The following DST variants were observed in gnomAD, a reference collection of about 807,000 sequenced individuals.
DST encodes dystonin, also known as bullous pemphigoid antigen.
Under a neutral mutation model 875.2 loss-of-function variants are expected in DST, and 253 were observed. That is an observed-to-expected ratio of 0.29 (90% CI 0.26 to 0.32). The LOEUF is 0.32. Among genes scored for constraint, DST ranks in the 10% least tolerant of loss-of-function variants. The probability of loss-of-function intolerance (pLI) is 1.00; values close to 1 mark genes in which losing one functional copy is unlikely to be tolerated. For synonymous variants in DST, 3,124 were observed against 3,197.1 expected (o/e 0.98, Z 0.77); for missense variants, 8,287 against 9,111.6 (o/e 0.91, Z 3.68).
rs534184655 is a variant in DST, at chr6:56,583,946, A to G, written c.12904-5009T>C. Among the ~76,000 whole-genome samples the G allele has an allele frequency of 5.4e-3, 825 of 152,112 alleles. 4 individuals carry two copies. Among genetic ancestry groups the G allele is most frequent in the African/African-American group, 0.019 (780 of 41,502 alleles). On this transcript the variant is annotated intron_variant, in intron 49 of 103. Transcript: ENST00000680361. ...CTGAGGGCTCTGTTCTGTTCCATTG[A>G]TCTATATCTCTGTTTTGGTACCAGT...
chr6:56,808,275 A>T (rs2099755592), intron 4 of DST, among the ~76,000 whole-genome samples: 1 of 151,930 alleles, frequency 6.6e-6, no homozygotes, highest in African/African-American at 2.4e-5. Context: ...ACCAACTGAG[A>T]TTGTCCGTGC....
At chr6:56,727,588 A>C (rs2099468465) in intron 5 of DST, among the ~76,000 whole-genome samples, 1 of 152,216 alleles carries the variant, frequency 6.6e-6, no homozygotes, top group East Asian at 1.9e-4. Context: ...GCTTCTTTGC[A>C]TACTTTTATC....
chr6:56,954,611 T>G lies in DST; in HGVS notation c.-24A>C. The stretch of plus-strand genomic sequence containing the variant: ...ATGGTGCGGGCGAGGCGAGGGCGAC[T>G]CGACGGCGGGGCTGGAGGGCGGCGG... On this transcript the variant is annotated 5_prime_UTR_variant, in exon 1 of 104. Coordinates refer to ENST00000680361, the MANE Select transcript of DST (RefSeq NM_001374736.1). 1 of 1,319,490 alleles carries G rather than the reference T, an allele frequency of 7.6e-7. No individual in the cohort carries two copies. Among genetic ancestry groups the G allele is most frequent in the Non-Finnish European group, 1.0e-6 (1 of 997,676 alleles). 81.7% of individuals were successfully genotyped at this position (1,319,490 alleles called of 1,614,324 possible). A position where few individuals can be genotyped will look rare whatever the true frequency, so the allele number is the denominator to read the frequency against.
chr6:56,683,798 A>G (rs889675273), intron 9 of DST, among the ~76,000 whole-genome samples: 15 of 152,254 alleles, frequency 9.9e-5, no homozygotes, highest in African/African-American at 3.4e-4. Flanking sequence ...CGATAATAAC[A>G]GAACGCCCTT....
chr6:56,814,649 T>C (rs1226588652), intron 4 of DST, among the ~76,000 whole-genome samples: 1 of 152,176 alleles, frequency 6.6e-6, no homozygotes, highest in Non-Finnish European at 1.5e-5. Context: ...AAAAGCCTAA[T>C]TGCACCACGC....
Position 56,560,293 on chromosome 6 carries a change from C to T in DST, c.14440+1G>A. ...GCATTCATCTAAGTAACGCAACATA[C>T]CTATTTCTGTCAACATCTGTTTCCA... On this transcript the variant is annotated splice_donor_variant, in intron 58 of 103. Transcript: ENST00000680361. LOFTEE classifies it high-confidence loss of function. 1 of 1,604,298 alleles carries T rather than the reference C, an allele frequency of 6.2e-7. No individual in the cohort carries two copies. Among genetic ancestry groups the T allele is most frequent in the Non-Finnish European group, 8.5e-7 (1 of 1,175,240 alleles).
intron 59 of DST, 123 bp downstream of exon 59, chr6:56,557,196 A>G: frequency 1.2e-6 from 1 of 841,162 alleles, no homozygotes; most frequent in Non-Finnish European, 1.9e-6. Context: ...AACATTACAT[A>G]TATACTTCAA....
At chr6:56,823,417 T>G (rs1158244825) in intron 4 of DST, among the ~76,000 whole-genome samples, 1 of 152,128 alleles carries the variant, frequency 6.6e-6, no homozygotes, top group Non-Finnish European at 1.5e-5. Context: ...TATAATTTTT[T>G]TTTGTTTTTT....
At chr6:56,897,320 T>TTTTA (rs59774915) in intron 3 of DST, among the ~76,000 whole-genome samples, 2,905 of 148,172 alleles carry the variant, frequency 0.02, 96 homozygotes, top group African/African-American at 0.063. Flanking sequence ...GGGGGGTTGT[T>TTTTA]TTTATTTATT....
chr6:56,898,713 A>G (rs1427143316), intron 3 of DST, among the ~76,000 whole-genome samples: 1 of 152,218 alleles, frequency 6.6e-6, no homozygotes, highest in Non-Finnish European at 1.5e-5. Flanking sequence ...CTGTGCTTTT[A>G]TATATGTTTT....
At chr6:56,618,136 T>C (rs1262002911) in intron 36 of DST, 1 of 1,614,174 alleles carries the variant, frequency 6.2e-7, no homozygotes. Flanking sequence ...AAGTTATCTG[T>C]AACTCGGTGC....
At chr6:56,490,406 A>C (rs1474243996) in intron 85 of DST, among the ~76,000 whole-genome samples, 1 of 152,172 alleles carries the variant, frequency 6.6e-6, no homozygotes, top group African/African-American at 2.4e-5. Flanking sequence ...CAATAAGCTT[A>C]AGTGAACAGA....
chr6:56,495,304 T>A (rs1691060379), intron 82 of DST, among the ~76,000 whole-genome samples: 1 of 151,984 alleles, frequency 6.6e-6, no homozygotes, highest in Non-Finnish European at 1.5e-5. Context: ...CTCTTTAGAA[T>A]GCTTTAAATC....
intron 3 of DST, among the ~76,000 whole-genome samples, chr6:56,873,379 C>T (rs1485762635): frequency 6.6e-6 from 1 of 152,048 alleles, no homozygotes; most frequent in Non-Finnish European, 1.5e-5. Flanking sequence ...GTTTCCTGTG[C>T]TTTTGAGGTC....
In DST at chr6:56,714,831, T is replaced by G. The variant is rs562939249; in HGVS notation, c.688-10462A>C. Among the ~76,000 whole-genome samples, 2 of 152,352 alleles carry G rather than the reference T, an allele frequency of 1.3e-5. No individual in the cohort carries two copies. The highest frequency in any genetic ancestry group is 4.1e-4 in the South Asian group (2 of 4,824). On this transcript the variant is annotated intron_variant, in intron 5 of 103. Transcript: ENST00000680361. This position sits in a 1 kb window ranked among gnomAD's most constrained non-coding sequence, Gnocchi z 4.5. ...TCCTCTAGTTACTGAAATCTTACTT[T>G]TCCTACTAGGTCAAATTCTAACGTC...
At chr6:56,678,336 C>T (rs555707370) in intron 9 of DST, among the ~76,000 whole-genome samples, 3 of 152,352 alleles carry the variant, frequency 2.0e-5, no homozygotes, top group East Asian at 3.9e-4. Context: ...TCCTATTCTT[C>T]CAGCACTTTC....
intron 67 of DST, among the ~76,000 whole-genome samples, chr6:56,527,990 C>T (rs181736840): frequency 1.3e-5 from 2 of 152,242 alleles, no homozygotes; most frequent in Admixed American, 6.5e-5. Context: ...GAAAGCAGTA[C>T]TTTTGTATCT....
chr6:56,759,743 A>C (rs1441426957), intron 4 of DST, among the ~76,000 whole-genome samples: 1 of 152,186 alleles, frequency 6.6e-6, no homozygotes, highest in African/African-American at 2.4e-5. Context: ...CTGCAGCCTG[A>C]AAACAAAGAG....
intron 13 of DST, among the ~76,000 whole-genome samples, chr6:56,647,051 C>A (rs1424144392): frequency 6.6e-6 from 1 of 152,074 alleles, no homozygotes; most frequent in Non-Finnish European, 1.5e-5. Flanking sequence ...TCAGCAAGTA[C>A]TCTGATCACT....
Sources: gnomAD v4.1 joint callset for allele counts (sites outside exome capture counted in the v4.1 genomes callset) on GRCh38, gnomAD v4.1.1 for gene constraint, Gnocchi (gnomAD v3.1) non-coding constraint, MANE v1.5 for transcripts, NCBI Gene and HGNC (gene_info 2026-07-23, HGNC 2026-07-21) for gene names.